CNTN6: variants seen among roughly 807,000 people sequenced by gnomAD.
CNTN6 encodes contactin-6.
Under a neutral mutation model 122.8 loss-of-function variants are expected in CNTN6, and 137 were observed. The observed-to-expected ratio is 1.12, with a 90% CI of 0.97 to 1.29. The LOEUF (loss-of-function observed/expected upper bound fraction) is 1.29. CNTN6 is among the 50% of genes most tolerant of loss of function. CNTN6 has a pLI of 0.00. For missense variants in CNTN6, 1,634 were observed against 1,223.4 expected (o/e 1.34, Z -5.01); for synonymous variants, 570 against 426.0 (o/e 1.34, Z -4.16).
intron 2 of CNTN6, among the ~76,000 whole-genome samples, chr3:1,154,188 GA>G (rs3836249): frequency 0.15 from 22,685 of 151,846 alleles, 1,833 homozygotes; most frequent in African/African-American, 0.2. Flanking sequence ...AAGAATGTAG[GA>G]AAAAAAATTA....
At chr3:1,231,987 T>G (rs1388450578) in intron 4 of CNTN6, among the ~76,000 whole-genome samples, 2 of 152,220 alleles carry the variant, frequency 1.3e-5, no homozygotes, top group Admixed American at 1.3e-4. Context: ...CTCTTCCTTT[T>G]GTATGTATGT....
chr3:1,094,575 A>C (rs1448714450), intron 1 of CNTN6, among the ~76,000 whole-genome samples: 1 of 152,136 alleles, frequency 6.6e-6, no homozygotes, highest in East Asian at 1.9e-4. Flanking sequence ...ACTTCCTTTG[A>C]ATATTTGTAG....
At chr3:1,357,264 C>T (rs1348701890) in intron 12 of CNTN6, among the ~76,000 whole-genome samples, 1 of 151,702 alleles carries the variant, frequency 6.6e-6, no homozygotes, top group Non-Finnish European at 1.5e-5. Context: ...TTGAAGGAGA[C>T]CAGACACAGA....
intron 1 of CNTN6, among the ~76,000 whole-genome samples, chr3:1,117,744 T>A (rs1167625193): frequency 1.3e-5 from 2 of 152,128 alleles, no homozygotes; most frequent in African/African-American, 4.8e-5. Context: ...TGACTGGAAG[T>A]AGCAACAAGT....
At chr3:1,350,316 A>C (rs1390285288) in intron 11 of CNTN6, among the ~76,000 whole-genome samples, 5 of 151,852 alleles carry the variant, frequency 3.3e-5, no homozygotes, top group Non-Finnish European at 7.4e-5. Context: ...TTCTTGGACC[A>C]TATAATTAAC....
chr3:1,268,538 A>C (rs112145871), intron 4 of CNTN6, among the ~76,000 whole-genome samples: 59,601 of 139,782 alleles, frequency 0.43, 13,625 homozygotes, highest in East Asian at 0.81. Context: ...ACCCGGGAGG[A>C]GGAGCTTGCA....
At chr3:1,204,017 A>G (rs1379650913) in intron 2 of CNTN6, among the ~76,000 whole-genome samples, 1 of 152,226 alleles carries the variant, frequency 6.6e-6, no homozygotes, top group Non-Finnish European at 1.5e-5. Flanking sequence ...AGCAGGCTAT[A>G]CTGTCTAGGT....
intron 12 of CNTN6, among the ~76,000 whole-genome samples, chr3:1,359,975 G>A (rs907417418): frequency 6.6e-6 from 1 of 151,984 alleles, no homozygotes; most frequent in Non-Finnish European, 1.5e-5. Flanking sequence ...ATATCAGCCT[G>A]CCCTGTGTGT....
intron 4 of CNTN6, among the ~76,000 whole-genome samples, chr3:1,242,695 G>A (rs1424509407): frequency 2.6e-5 from 4 of 152,186 alleles, no homozygotes; most frequent in Non-Finnish European, 4.4e-5. Context: ...GAGGCTTTGG[G>A]TTGGGGAGAA....
At chr3:1,179,663 G>A (rs1462899433) in intron 2 of CNTN6, among the ~76,000 whole-genome samples, 1 of 152,090 alleles carries the variant, frequency 6.6e-6, no homozygotes, top group African/African-American at 2.4e-5. Context: ...ATTAGGGGAG[G>A]GTGGGATACA....
intron 7 of CNTN6, among the ~76,000 whole-genome samples, chr3:1,311,718 T>C (rs1699352348): frequency 6.6e-6 from 1 of 151,662 alleles, no homozygotes; most frequent in East Asian, 1.9e-4. Context: ...TATTTCAGTA[T>C]ACATATATCC....
chr3:1,125,791 A>G (rs1273802560), intron 1 of CNTN6, among the ~76,000 whole-genome samples: 2 of 151,868 alleles, frequency 1.3e-5, no homozygotes, highest in South Asian at 4.1e-4. Flanking sequence ...CCGGTAATAT[A>G]TTCTAATGAT....
At chr3:1,374,810 G>A (rs534192786) in intron 16 of CNTN6, among the ~76,000 whole-genome samples, 1 of 152,066 alleles carries the variant, frequency 6.6e-6, no homozygotes, top group Non-Finnish European at 1.5e-5. Context: ...ATTAAAGTGT[G>A]CACAATTGTC....
At chr3:1,113,794 A>G (rs1191275510) in intron 1 of CNTN6, among the ~76,000 whole-genome samples, 2 of 152,178 alleles carry the variant, frequency 1.3e-5, no homozygotes, top group Non-Finnish European at 2.9e-5. Context: ...CAAGTTGCAG[A>G]CACAATTCAT....
intron 2 of CNTN6, among the ~76,000 whole-genome samples, chr3:1,170,653 C>A (rs2093343471): frequency 1.3e-5 from 2 of 152,152 alleles, no homozygotes; most frequent in African/African-American, 4.8e-5. Context: ...ACACTGAGAA[C>A]CAAATTAAGT....
At chr3:1,330,142 T>G (rs1460394009) in intron 11 of CNTN6, among the ~76,000 whole-genome samples, 1 of 151,944 alleles carries the variant, frequency 6.6e-6, no homozygotes, top group East Asian at 1.9e-4. Flanking sequence ...ATAAGTTAGC[T>G]GCAATATTTT....
In CNTN6 at chr3:1,196,490, T is replaced by A. The variant is rs78356184; in HGVS notation, c.56-24197T>A. ...TTGTTTTTGTTTTTGTTTCATCTCC[T>A]GCTGTATGCTTGGTCTCTAAAAGTG... On this transcript the variant is annotated intron_variant, in intron 2 of 22. Transcript: ENST00000446702. 1.9e-4 allele frequency among the ~76,000 whole-genome samples: 29 copies of A among 152,348 alleles called. No homozygotes were observed. The East Asian group carries it at 5.2e-3, about 27-fold the overall frequency.
At chr3:1,303,656 T>G (rs9809901) in intron 7 of CNTN6, among the ~76,000 whole-genome samples, 100,164 of 151,918 alleles carry the variant, frequency 0.66, 35,930 homozygotes, top group East Asian at 1. Context: ...TGGGTCTGTT[T>G]CTATTGGCTG....
chr3:1,314,275 G>A (rs1699794597), intron 7 of CNTN6, among the ~76,000 whole-genome samples: 1 of 152,078 alleles, frequency 6.6e-6, no homozygotes, highest in Admixed American at 6.6e-5. Context: ...GTCTGAAAAT[G>A]TAGCAAAGGC....
Sources: allele counts gnomAD v4.1 joint callset (sites outside exome capture counted in the v4.1 genomes callset), GRCh38; gene constraint gnomAD v4.1.1; transcripts MANE v1.5; gene names NCBI Gene and HGNC (gene_info 2026-07-23, HGNC 2026-07-21).